The following MLLT3 variants were observed in gnomAD, a reference collection of about 807,000 sequenced individuals.
MLLT3 encodes protein AF-9.
A neutral mutation model predicts 53.2 loss-of-function variants in MLLT3; 4 were observed. The ratio of observed to expected loss-of-function variants is 0.08; its 90% CI spans 0.04 to 0.17. The LOEUF (loss-of-function observed/expected upper bound fraction) is 0.17, where lower values mean the gene tolerates loss of function less well. Ranked by LOEUF, MLLT3 falls within the 10% of genes least tolerant of loss-of-function variation. The pLI is 1.00. For synonymous variants in MLLT3, 283 were observed against 230.6 expected, an observed-to-expected ratio of 1.23 and a Z score of -2.06; for missense variants, 569 against 684.0, an observed-to-expected ratio of 0.83 and a Z score of 1.87.
intron 4 of MLLT3, among the ~76,000 whole-genome samples, chr9:20,436,011 G>GTAC (rs1823392781): frequency 6.6e-6 from 1 of 151,898 alleles, no homozygotes; most frequent in African/African-American, 2.4e-5. Flanking sequence ...CTATTAAAGG[G>GTAC]TACTACCATC....
intron 2 of MLLT3, among the ~76,000 whole-genome samples, chr9:20,596,056 A>G (rs894562667): frequency 2.6e-5 from 4 of 152,244 alleles, no homozygotes; most frequent in Non-Finnish European, 5.9e-5. Context: ...AAACCTAGCC[A>G]TGAAAGACAA....
At chr9:20,469,338 C>T (rs12344417) in intron 2 of MLLT3, among the ~76,000 whole-genome samples, 29,552 of 152,060 alleles carry the variant, frequency 0.19, 3,068 homozygotes, top group African/African-American at 0.25. Context: ...ACTGTTTGCA[C>T]ATTAGGCATA....
chr9:20,591,924 C>T (rs192358024), intron 2 of MLLT3, among the ~76,000 whole-genome samples: 1 of 152,210 alleles, frequency 6.6e-6, no homozygotes, highest in Non-Finnish European at 1.5e-5. Context: ...ACTCAGGAGG[C>T]TGAGGTGGGA....
intron 2 of MLLT3, among the ~76,000 whole-genome samples, chr9:20,571,015 G>A (rs1414083456): frequency 2.0e-5 from 3 of 152,250 alleles, no homozygotes; most frequent in East Asian, 1.9e-4. Context: ...TAAAACTCTA[G>A]GCTTTATCAC....
At chr9:20,539,124 A>C (rs1379855845) in intron 2 of MLLT3, among the ~76,000 whole-genome samples, 1 of 152,228 alleles carries the variant, frequency 6.6e-6, no homozygotes, top group Non-Finnish European at 1.5e-5. Flanking sequence ...TTCTGGAAAT[A>C]AGACAACAAT....
intron 2 of MLLT3, among the ~76,000 whole-genome samples, chr9:20,552,179 G>C (rs965984475): frequency 6.6e-6 from 1 of 152,148 alleles, no homozygotes; most frequent in Non-Finnish European, 1.5e-5. Context: ...ATGTTTTTAG[G>C]ATTTTATTAC....
At position 20,344,460 on chromosome 9, in the gene MLLT3, G is replaced by T; in HGVS notation, c.*1983C>A. ...CCAGCTATAAAGTTAAAAACAAAAC[G>T]CAACTGAAACCACACAATTCATCAA... On this transcript the variant is annotated 3_prime_UTR_variant, in exon 11 of 11. Coordinates refer to ENST00000380338, the MANE Select transcript of MLLT3 (RefSeq NM_004529.4). 4.6e-6 allele frequency: 1 copy of T among 218,020 alleles called. No individual in the cohort carries two copies. Among genetic ancestry groups the T allele is most frequent in the Non-Finnish European group, 9.2e-6 (1 of 108,396 alleles). 13.5% of individuals were successfully genotyped at this position (218,020 alleles called of 1,614,324 possible).
chr9:20,614,817 T>A (rs952684580), intron 2 of MLLT3, among the ~76,000 whole-genome samples: 2 of 152,162 alleles, frequency 1.3e-5, no homozygotes, highest in Non-Finnish European at 2.9e-5. Context: ...GGGGATTACC[T>A]GTAATAAATG....
rs542597373 is a variant in MLLT3 at position 20,557,131 on chromosome 9, C to G, written c.193+63523G>C. ...CTCCACAAGCTTTGCACTTTCCCACCTCCTGGCCCCTGTTCATACCACCAA... is the reference window on the plus strand; with the variant it reads ...CTCCACAAGCTTTGCACTTTCCCACGTCCTGGCCCCTGTTCATACCACCAA... On this transcript the variant is annotated intron_variant, in intron 2 of 10. Transcript: ENST00000380338. Among the ~76,000 whole-genome samples the G allele has an allele frequency of 5.3e-5, 8 of 152,208 alleles. No individual in the cohort carries two copies. The East Asian group carries it at 1.5e-3, about 29-fold the overall frequency.
At chr9:20,501,864 T>G (rs1825244617) in intron 2 of MLLT3, among the ~76,000 whole-genome samples, 1 of 149,404 alleles carries the variant, frequency 6.7e-6, no homozygotes, top group Admixed American at 6.7e-5. Context: ...GCAGATCACC[T>G]GAGACCAGGA....
At chr9:20,402,902 C>T (rs1203468358) in intron 5 of MLLT3, among the ~76,000 whole-genome samples, 1 of 152,182 alleles carries the variant, frequency 6.6e-6, no homozygotes, top group Non-Finnish European at 1.5e-5. Context: ...GGCTGAGATG[C>T]TGGACCAAGA....
At chr9:20,362,731 A>C (rs1425077937) in intron 7 of MLLT3, 1 of 82,120 alleles carries the variant, frequency 1.2e-5, no homozygotes, top group African/African-American at 2.0e-4. Flanking sequence ...TTTTTTTTGA[A>C]TCTTAGGGTC....
At chr9:20,486,745 A>T (rs2118914758) in intron 2 of MLLT3, among the ~76,000 whole-genome samples, 1 of 152,296 alleles carries the variant, frequency 6.6e-6, no homozygotes, top group South Asian at 2.1e-4. Context: ...AAACTGTCAG[A>T]CAGACCTACT....
intron 2 of MLLT3, among the ~76,000 whole-genome samples, chr9:20,563,800 C>T (rs1360378): frequency 0.9 from 137,469 of 152,206 alleles, 62,217 homozygotes; most frequent in African/African-American, 0.95. Flanking sequence ...TGGCGTCCAA[C>T]ACTGCTATAA....
At chr9:20,407,530 C>A (rs541975984) in intron 5 of MLLT3, among the ~76,000 whole-genome samples, 2 of 152,308 alleles carry the variant, frequency 1.3e-5, no homozygotes, top group South Asian at 4.1e-4. Flanking sequence ...ATATGGGGGA[C>A]AACATGAGAT....
At chr9:20,556,420 C>T (rs1819058837) in intron 2 of MLLT3, among the ~76,000 whole-genome samples, 1 of 152,118 alleles carries the variant, frequency 6.6e-6, no homozygotes, top group African/African-American at 2.4e-5. Context: ...CGCAGTGGCT[C>T]AAACCTGTAA....
intron 2 of MLLT3, among the ~76,000 whole-genome samples, chr9:20,518,965 T>G (rs1482238761): frequency 6.6e-6 from 1 of 152,192 alleles, no homozygotes; most frequent in Non-Finnish European, 1.5e-5. Context: ...ACTCTTTAAA[T>G]TAACTAATGC....
chr9:20,588,556 A>G (rs907577521), intron 2 of MLLT3, among the ~76,000 whole-genome samples: 3 of 152,134 alleles, frequency 2.0e-5, no homozygotes, highest in African/African-American at 7.2e-5. Flanking sequence ...GAGGTCCTTC[A>G]CATCCCTTGT....
At chr9:20,500,295 A>G (rs993108987) in intron 2 of MLLT3, among the ~76,000 whole-genome samples, 1 of 152,178 alleles carries the variant, frequency 6.6e-6, no homozygotes, top group African/African-American at 2.4e-5. Context: ...ATGGCCTCTG[A>G]GCAGCTGGAC....
Sources: allele counts gnomAD v4.1 joint callset (sites outside exome capture counted in the v4.1 genomes callset), GRCh38; gene constraint gnomAD v4.1.1; transcripts MANE v1.5; gene names NCBI Gene and HGNC (gene_info 2026-07-23, HGNC 2026-07-21).